Variants in PMVK observed in about 807,000 individuals in gnomAD.
The protein encoded by PMVK is testis tissue sperm-binding protein Li 95mP.
In PMVK, 10 loss-of-function variants were observed where a neutral mutation model predicts 19.0. That is an observed-to-expected ratio of 0.53 (90% CI 0.32 to 0.89). PMVK has a LOEUF of 0.89. Ranked by LOEUF, PMVK falls within the 40% of genes least tolerant of loss-of-function variation. PMVK has a pLI of 0.03. For missense variants in PMVK, 222 were observed against 251.1 expected (o/e 0.88, Z 0.78); for synonymous variants, 108 against 101.6 (o/e 1.06, Z -0.38).
chr1:154,933,427 C>T (rs1654402082), intron 1 of PMVK, among the ~76,000 whole-genome samples: 1 of 150,186 alleles, frequency 6.7e-6, no homozygotes, highest in Non-Finnish European at 1.5e-5. Flanking sequence ...GAGTGAAAAT[C>T]CATCTCAAAA....
chr1:154,933,023 T>C (rs1355995997), intron 1 of PMVK, among the ~76,000 whole-genome samples: 1 of 152,156 alleles, frequency 6.6e-6, no homozygotes. Flanking sequence ...GGTGGGAGCA[T>C]TCCTGAGCCC....
chr1:154,932,538 G>T, intron 1 of PMVK, 123 bp from the exon 2 acceptor site: 1 of 616,118 alleles, frequency 1.6e-6, no homozygotes. Flanking sequence ...ATGTAACTTT[G>T]GTAGGTCTCA....
intron 1 of PMVK, among the ~76,000 whole-genome samples, chr1:154,935,217 G>A (rs1654466628): frequency 6.6e-6 from 1 of 152,132 alleles, no homozygotes; most frequent in Non-Finnish European, 1.5e-5. Flanking sequence ...AGGGTTTGGA[G>A]GTGAGGAGAA....
upstream of PMVK, among the ~76,000 whole-genome samples, chr1:154,940,738 C>T (rs1654623438): frequency 6.6e-6 from 1 of 152,136 alleles, no homozygotes; most frequent in Non-Finnish European, 1.5e-5. Context: ...TCCAATTAGC[C>T]TCGGGGCAAG....
upstream of PMVK, among the ~76,000 whole-genome samples, chr1:154,939,568 C>T (rs1424389892): frequency 6.6e-6 from 1 of 151,032 alleles, no homozygotes; most frequent in Non-Finnish European, 1.5e-5. Flanking sequence ...TGGTGGCAGG[C>T]ACCTGTAGTC....
intron 3 of PMVK, 114 bp downstream of exon 3, chr1:154,928,910 G>T (rs1014246599): frequency 1.9e-6 from 2 of 1,040,182 alleles, no homozygotes; most frequent in South Asian, 2.8e-5. Context: ...GACTGTCCAG[G>T]CCAGAAATGG....
At chr1:154,934,483 A>AT (rs1264946690) in intron 1 of PMVK, among the ~76,000 whole-genome samples, 6 of 151,734 alleles carry the variant, frequency 4.0e-5, no homozygotes, top group Non-Finnish European at 7.4e-5. Flanking sequence ...TACCCAGCTA[A>AT]TTTTTTTTAT....
rs1270116394 is a variant in PMVK at position 154,936,654 on chromosome 1, A to C, written c.32T>G (p.Val11Gly). 6.2e-7 allele frequency: 1 copy of C among 1,608,350 alleles called. No homozygotes were observed. Among genetic ancestry groups the C allele is most frequent in the Non-Finnish European group, 8.5e-7 (1 of 1,177,922 alleles). Residue 11 changes from valine (V) to glycine (G), a missense_variant, in exon 1 of 5, where the codon GTA becomes GGA. Coordinates refer to ENST00000368467, the MANE Select transcript of PMVK (RefSeq NM_006556.4). MAPLGGAPRL[V>G]LLFSGKRKSG... ...TTTCCTCTTGCCGCTGAACAGCAGT[A>C]CCAGCCGCGGGGCGCCTCCCAGCGG...
At chr1:154,938,073 GGTT>G (rs959047470), upstream of PMVK, 3 of 152,250 alleles carry the variant, frequency 2.0e-5, no homozygotes, top group East Asian at 1.9e-4. Flanking sequence ...AGATGTAAGG[GGTT>G]GTTATTTATT....
intron 1 of PMVK, among the ~76,000 whole-genome samples, chr1:154,933,056 C>T (rs974849112): frequency 3.9e-5 from 6 of 152,130 alleles, no homozygotes; most frequent in African/African-American, 1.4e-4. Flanking sequence ...CTACAGTGAG[C>T]CATGATTGTA....
At chr1:154,925,922 C>A (rs1315918183) in intron 4 of PMVK, among the ~76,000 whole-genome samples, 4 of 152,198 alleles carry the variant, frequency 2.6e-5, no homozygotes, top group Non-Finnish European at 4.4e-5. Flanking sequence ...TGATCTAGGG[C>A]AGGAAGGAAG....
intron 3 of PMVK, among the ~76,000 whole-genome samples, chr1:154,927,719 C>G (rs1227456382): frequency 6.6e-6 from 1 of 152,110 alleles, no homozygotes; most frequent in African/African-American, 2.4e-5. Context: ...GCACACTCAC[C>G]ACTCAAGCCT....
At position 154,936,650 on chromosome 1, in the gene PMVK, C is replaced by T; in HGVS notation, c.36G>A (p.Leu12=). The T allele has an allele frequency of 1.2e-6, 2 of 1,609,008 alleles. No individual in the cohort carries two copies. Among genetic ancestry groups the T allele is most frequent in the Non-Finnish European group, 1.7e-6 (2 of 1,178,174 alleles). The part of the protein sequence containing the change: ...APLGGAPRLV[L]LFSGKRKSGK... The stretch of plus-strand genomic sequence containing the variant: ...CGGATTTCCTCTTGCCGCTGAACAG[C>T]AGTACCAGCCGCGGGGCGCCTCCCA... The change falls in exon 1 of 5, where the codon CTG becomes CTA. Residue 12 remains leucine (L), a synonymous_variant. Coordinates refer to ENST00000368467, the MANE Select transcript of PMVK (RefSeq NM_006556.4).
chr1:154,935,488 T>C (rs1483364624), intron 1 of PMVK, among the ~76,000 whole-genome samples: 3 of 152,168 alleles, frequency 2.0e-5, no homozygotes, highest in South Asian at 2.1e-4. Flanking sequence ...GGTATTATTA[T>C]TTGGGGAGGC....
chr1:154,932,863 G>T (rs1180552171), intron 1 of PMVK, among the ~76,000 whole-genome samples: 1 of 152,202 alleles, frequency 6.6e-6, no homozygotes, highest in African/African-American at 2.4e-5. Flanking sequence ...TACTTTGGGA[G>T]GCCAAGGCAG....
chr1:154,937,840 T>G (rs958234743), upstream of PMVK: 10 of 152,174 alleles, frequency 6.6e-5, no homozygotes, highest in Admixed American at 1.3e-4. Flanking sequence ...TTTTGTTTTT[T>G]GGGGTTTTTT....
Position 154,925,080 on chromosome 1 carries a change from G to GCCCCCCCCCCCCCCCCCCCCCCC in PMVK, c.*48_*49insGGGGGGGGGGGGGGGGGGGGGGG. On this transcript the variant is annotated 3_prime_UTR_variant, in exon 5 of 5. Coordinates refer to ENST00000368467, the MANE Select transcript of PMVK (RefSeq NM_006556.4). ...GGGACACCCCCATTTTGCAGAGTCA[G>GCCCCCCCCCCCCCCCCCCCCCCC]CCCCACCCCCACCTCAGCAGGCCCC... 2.1e-6 allele frequency: 3 copies of GCCCCCCCCCCCCCCCCCCCCCCC among 1,459,214 alleles called. No homozygotes were observed. The highest frequency in any genetic ancestry group is 1.2e-5 in the South Asian group (1 of 85,488). The allele number at this position is 1,459,214 out of a possible 1,614,324, so 90.4% of individuals were successfully genotyped here.
At chr1:154,936,461 G>C in intron 1 of PMVK, 130 bp downstream of exon 1, 1 of 1,482,664 alleles carries the variant, frequency 6.7e-7, no homozygotes, top group South Asian at 1.3e-5. Context: ...ACCTTCCCCA[G>C]CCCAGTGCTC....
chr1:154,931,226 G>A (rs879350805), intron 2 of PMVK, among the ~76,000 whole-genome samples: 1 of 152,168 alleles, frequency 6.6e-6, no homozygotes, highest in Non-Finnish European at 1.5e-5. Flanking sequence ...TAGAAGGGGG[G>A]ACAATTCATT....
Sources: gnomAD v4.1 joint callset for allele counts (sites outside exome capture counted in the v4.1 genomes callset) on GRCh38, gnomAD v4.1.1 for gene constraint, MANE v1.5 for transcripts, NCBI Gene and HGNC (gene_info 2026-07-23, HGNC 2026-07-21) for gene names.